Variants in NXPE2 observed in about 807,000 individuals in gnomAD.
The protein encoded by NXPE2 is NXPE family member 2.
A neutral mutation model predicts 34.4 loss-of-function variants in NXPE2; 34 were observed. The ratio of observed to expected loss-of-function variants is 0.99; its 90% CI spans 0.75 to 1.31. The LOEUF is 1.31. NXPE2 is among the 40% of genes most tolerant of loss of function. The pLI is 0.00. For missense variants in NXPE2, 649 were observed against 672.5 expected (o/e 0.97, Z 0.39); for synonymous variants, 235 against 231.3 (o/e 1.02, Z -0.15).
chr11:114,648,237 T>A, the NXPE2 span, among the ~76,000 whole-genome samples: 1 of 152,200 alleles, frequency 6.6e-6, no homozygotes, highest in Middle Eastern at 3.4e-3. Flanking sequence ...TGGGGGCTAC[T>A]CACCAGTCTG....
chr11:114,538,694 C>T, the NXPE2 span, among the ~76,000 whole-genome samples: 1 of 152,186 alleles, frequency 6.6e-6, no homozygotes, highest in East Asian at 1.9e-4. Context: ...TGCTCATCAT[C>T]ACTGGCCATC....
At chr11:114,666,539 A>G in the NXPE2 span, among the ~76,000 whole-genome samples, 4 of 152,134 alleles carry the variant, frequency 2.6e-5, no homozygotes, top group African/African-American at 9.6e-5. Flanking sequence ...TTTTTCAGAA[A>G]TGGTAAAATG....
intron 3 of NXPE2, among the ~76,000 whole-genome samples, chr11:114,702,310 G>T (rs949597388): frequency 6.6e-6 from 1 of 151,082 alleles, no homozygotes. Flanking sequence ...TTAATACATG[G>T]TTTTAATCCT....
At chr11:114,630,824 C>G in the NXPE2 span, among the ~76,000 whole-genome samples, 1 of 151,660 alleles carries the variant, frequency 6.6e-6, no homozygotes, top group Admixed American at 6.6e-5. Context: ...AACAAATTTA[C>G]AAGAAAAAAA....
chr11:114,789,682 C>G, the NXPE2 span, among the ~76,000 whole-genome samples: 8 of 152,180 alleles, frequency 5.3e-5, no homozygotes, highest in Non-Finnish European at 1.0e-4. Flanking sequence ...GGCTTCACAT[C>G]TGGGGGGCTT....
At chr11:114,487,014 T>C in the NXPE2 span, among the ~76,000 whole-genome samples, 1 of 152,148 alleles carries the variant, frequency 6.6e-6, no homozygotes, top group African/African-American at 2.4e-5. Flanking sequence ...TTTAGGATTT[T>C]TTTTTCTATT....
At chr11:114,804,693 A>G in the NXPE2 span, among the ~76,000 whole-genome samples, 1 of 152,186 alleles carries the variant, frequency 6.6e-6, no homozygotes, top group African/African-American at 2.4e-5. Flanking sequence ...ACCAGCTTAG[A>G]TTGGGGTCAG....
chr11:114,782,900 A>G, the NXPE2 span, among the ~76,000 whole-genome samples: 33 of 152,324 alleles, frequency 2.2e-4, no homozygotes, highest in Middle Eastern at 0.01. Flanking sequence ...AAACCCAAGC[A>G]TTCTTAACCT....
chr11:114,733,959 T>G, the NXPE2 span, among the ~76,000 whole-genome samples: 1 of 152,234 alleles, frequency 6.6e-6, no homozygotes, highest in African/African-American at 2.4e-5. Flanking sequence ...TTACAGGTCT[T>G]TTATGAATTT....
chr11:114,554,413 G>T, the NXPE2 span: 5 of 983,790 alleles, frequency 5.1e-6, 1 homozygote, highest in South Asian at 9.4e-5. Flanking sequence ...AGAACAGGGG[G>T]TTCTTAAACA....
At chr11:114,756,452 C>T in the NXPE2 span, among the ~76,000 whole-genome samples, 1 of 152,144 alleles carries the variant, frequency 6.6e-6, no homozygotes, top group Admixed American at 6.5e-5. Context: ...AATATTTCTA[C>T]TTTATTATGA....
At chr11:114,631,676 TA>T in the NXPE2 span, among the ~76,000 whole-genome samples, 2 of 151,918 alleles carry the variant, frequency 1.3e-5, no homozygotes, top group South Asian at 4.1e-4. Flanking sequence ...AGTATATATA[TA>T]AAAAAAGTAT....
the NXPE2 span, among the ~76,000 whole-genome samples, chr11:114,743,483 A>G: frequency 2.8e-3 from 423 of 152,314 alleles, 3 homozygotes; most frequent in Admixed American, 0.019. Context: ...AGAATAGAAT[A>G]GGTTTTTAAA....
At chr11:114,550,462 A>C in the NXPE2 span, among the ~76,000 whole-genome samples, 1 of 152,188 alleles carries the variant, frequency 6.6e-6, no homozygotes, top group African/African-American at 2.4e-5. Context: ...CGCACTCAAC[A>C]TCAGTGAGGA....
the NXPE2 span, among the ~76,000 whole-genome samples, chr11:114,629,747 G>T: frequency 6.6e-6 from 1 of 151,354 alleles, no homozygotes; most frequent in Admixed American, 6.6e-5. Flanking sequence ...GTTTGCAGAC[G>T]ACATGATTGT....
chr11:114,762,496 T>G, the NXPE2 span, among the ~76,000 whole-genome samples: 1 of 152,224 alleles, frequency 6.6e-6, no homozygotes, highest in African/African-American at 2.4e-5. Flanking sequence ...TTACAACTGC[T>G]TGTAAATGCT....
At chr11:114,663,375 A>C in the NXPE2 span, among the ~76,000 whole-genome samples, 5 of 152,240 alleles carry the variant, frequency 3.3e-5, no homozygotes, top group African/African-American at 9.6e-5. Context: ...TTCCTGTTCA[A>C]GAGTTAGGAC....
the NXPE2 span, among the ~76,000 whole-genome samples, chr11:114,497,302 G>C: frequency 6.6e-6 from 1 of 152,094 alleles, no homozygotes; most frequent in Non-Finnish European, 1.5e-5. Flanking sequence ...AAAGAAAAAA[G>C]TGTTTTCGTA....
At chr11:114,521,294 G>T in the NXPE2 span, among the ~76,000 whole-genome samples, 1 of 152,098 alleles carries the variant, frequency 6.6e-6, no homozygotes, top group Non-Finnish European at 1.5e-5. Flanking sequence ...TTTTTGTATT[G>T]CTATGACCTC....
Sources: gnomAD v4.1 joint callset for allele counts (sites outside exome capture counted in the v4.1 genomes callset) on GRCh38, gnomAD v4.1.1 for gene constraint, MANE v1.5 for transcripts, NCBI Gene and HGNC (gene_info 2026-07-23, HGNC 2026-07-21) for gene names.